The following PLPPR1 variants were observed in gnomAD, a reference collection of about 807,000 sequenced individuals.
PLPPR1 encodes the protein phospholipid phosphatase-related protein type 1.
In PLPPR1, 10 loss-of-function variants were observed where a neutral mutation model predicts 33.1. The observed-to-expected ratio is 0.30, with a 90% CI of 0.19 to 0.51. The LOEUF (loss-of-function observed/expected upper bound fraction) is 0.51, where lower values mean the gene tolerates loss of function less well. PLPPR1 is among the 20% of genes least tolerant of loss of function. PLPPR1 has a pLI of 0.97. For synonymous variants in PLPPR1, 151 were observed against 151.0 expected, an observed-to-expected ratio of 1.00 and a Z score of 0.00; for missense variants, 304 against 408.1, an observed-to-expected ratio of 0.74 and a Z score of 2.20.
chr9:101,289,977 G>A (rs1828463956), intron 4 of PLPPR1, among the ~76,000 whole-genome samples: 1 of 152,166 alleles, frequency 6.6e-6, no homozygotes, highest in Non-Finnish European at 1.5e-5. Flanking sequence ...GTGCATAAAT[G>A]AGGTAATTTC....
At chr9:101,273,026 A>T (rs1828127498) in intron 3 of PLPPR1, among the ~76,000 whole-genome samples, 4 of 152,362 alleles carry the variant, frequency 2.6e-5, no homozygotes, top group Admixed American at 2.0e-4. Context: ...AGACTGGTTT[A>T]ATACATTATG....
rs576840165 is a variant in PLPPR1 at position 101,182,830 on chromosome 9, G to C, written c.-45-2620G>C. On this transcript the variant is annotated intron_variant, in intron 1 of 7. Transcript: ENST00000374874. ...TAAGACGAACAACCCAACCACAAAA[G>C]GTATTTGAATAGACACTTCACAAAA... Among the ~76,000 whole-genome samples, 17 of 151,624 alleles carry C rather than the reference G, an allele frequency of 1.1e-4. 1 individual carries two copies. The South Asian group carries it at 3.5e-3, about 32-fold the overall frequency.
chr9:101,275,500 G>T (rs1319278187), intron 3 of PLPPR1, among the ~76,000 whole-genome samples: 2 of 152,170 alleles, frequency 1.3e-5, no homozygotes, highest in African/African-American at 2.4e-5. Flanking sequence ...TAGAGCATGG[G>T]GGATTTACTG....
intron 1 of PLPPR1, among the ~76,000 whole-genome samples, chr9:101,088,695 AT>A (rs768436184): frequency 6.6e-6 from 1 of 152,144 alleles, no homozygotes; most frequent in South Asian, 2.1e-4. Context: ...GCAAAAAGAC[AT>A]TTTTTTATTG....
At chr9:101,250,694 T>C (rs1031980244) in intron 2 of PLPPR1, among the ~76,000 whole-genome samples, 1 of 152,070 alleles carries the variant, frequency 6.6e-6, no homozygotes, top group African/African-American at 2.4e-5. Context: ...CAGTTATACA[T>C]AGTTGTTAAA....
At chr9:101,075,844 T>C (rs1469849625) in intron 1 of PLPPR1, among the ~76,000 whole-genome samples, 1 of 149,622 alleles carries the variant, frequency 6.7e-6, no homozygotes, top group Non-Finnish European at 1.5e-5. Flanking sequence ...TGGATGAGGA[T>C]TTCCTTTAGC....
At chr9:101,106,657 G>A (rs1473365980) in intron 1 of PLPPR1, among the ~76,000 whole-genome samples, 2 of 52,142 alleles carry the variant, frequency 3.8e-5, no homozygotes, top group Non-Finnish European at 6.5e-5. Context: ...GAGTATCTTT[G>A]TGGCGTTCTC....
rs527691703 is a variant in PLPPR1, at chr9:101,179,077, G to A, written c.-45-6373G>A. 5.2e-4 allele frequency among the ~76,000 whole-genome samples: 79 copies of A among 152,258 alleles called. No individual in the cohort carries two copies. In the South Asian group the frequency reaches 0.011, roughly 21 times the overall value. On this transcript the variant is annotated intron_variant, in intron 1 of 7. Coordinates refer to ENST00000374874, the MANE Select transcript of PLPPR1 (RefSeq NM_207299.2). The stretch of plus-strand genomic sequence containing the variant: ...AGTGACAGTATTGGCTGGGATAATA[G>A]ACCTGGACTGTCAAGATGAAATCAG...
intron 1 of PLPPR1, among the ~76,000 whole-genome samples, chr9:101,113,614 A>C (rs150164200): frequency 0.011 from 1,433 of 136,364 alleles, 8 homozygotes; most frequent in Non-Finnish European, 0.017. Flanking sequence ...GTAAGTGTTA[A>C]GAAAGAACAG....
At chr9:101,248,388 C>G (rs1827652097) in intron 2 of PLPPR1, among the ~76,000 whole-genome samples, 3 of 152,072 alleles carry the variant, frequency 2.0e-5, no homozygotes. Context: ...GAATAAATTT[C>G]AACTGCAAAT....
chr9:101,266,408 G>A (rs56204982), intron 2 of PLPPR1, among the ~76,000 whole-genome samples: 40,158 of 126,602 alleles, frequency 0.32, 6,784 homozygotes, highest in African/African-American at 0.42. Context: ...AAAAAAAAAA[G>A]AAAGAAAGAA....
chr9:101,089,280 A>G (rs1265024452), intron 1 of PLPPR1, among the ~76,000 whole-genome samples: 3 of 148,652 alleles, frequency 2.0e-5, no homozygotes, highest in Non-Finnish European at 4.5e-5. Context: ...TAAGTAATAA[A>G]GCTAGAATAT....
rs115364831 is a variant in PLPPR1 at position 101,304,728 on chromosome 9, C to T, written c.386-4483C>T. On this transcript the variant is annotated intron_variant, in intron 4 of 7. Transcript: ENST00000374874. The stretch of plus-strand genomic sequence containing the variant: ...TTCAGAGCTACAGCTTGAAAGCAGA[C>T]GTACACAGCCCCAAGTCCAGTCCCT... Among the ~76,000 whole-genome samples the T allele has an allele frequency of 9.7e-3, 1,480 of 152,284 alleles. 18 individuals carry two copies. The highest frequency in any genetic ancestry group is 0.032 in the African/African-American group (1,314 of 41,574).
chr9:101,284,919 T>C (rs1828365704), intron 3 of PLPPR1, among the ~76,000 whole-genome samples: 1 of 152,188 alleles, frequency 6.6e-6, no homozygotes, highest in African/African-American at 2.4e-5. Context: ...AAAATCAAAA[T>C]GGCATATGAA....
At position 101,199,519 on chromosome 9, in the gene PLPPR1, G is replaced by T. The variant is rs189056787; in HGVS notation, c.63+13962G>T. Among the ~76,000 whole-genome samples, 265 of 152,238 alleles carry T rather than the reference G, an allele frequency of 1.7e-3. 3 individuals carry two copies. The South Asian group carries it at 0.038, about 22-fold the overall frequency. ...AAAATGCGGTCACTCTAGCATAAGG[G>T]TATCTGATACTTTTTCTCCTGATGC... On this transcript the variant is annotated intron_variant, in intron 2 of 7. Transcript: ENST00000374874.
chr9:101,038,727 T>A (rs1406864385), intron 1 of PLPPR1, among the ~76,000 whole-genome samples: 1 of 152,070 alleles, frequency 6.6e-6, no homozygotes, highest in Non-Finnish European at 1.5e-5. Flanking sequence ...GAGCAACGGA[T>A]TTCTGGCGCA....
chr9:101,284,172 G>C (rs1275786147), intron 3 of PLPPR1, among the ~76,000 whole-genome samples: 3 of 152,046 alleles, frequency 2.0e-5, no homozygotes, highest in African/African-American at 7.2e-5. Context: ...GTATATCAAA[G>C]AGATATCTGA....
At chr9:101,237,047 G>C in intron 2 of PLPPR1, among the ~76,000 whole-genome samples, 1 of 151,686 alleles carries the variant, frequency 6.6e-6, no homozygotes, top group East Asian at 1.9e-4. Flanking sequence ...ACATACAAGT[G>C]TATCTTTAAA....
chr9:101,154,614 A>G (rs1370872919), intron 1 of PLPPR1, among the ~76,000 whole-genome samples: 1 of 152,116 alleles, frequency 6.6e-6, no homozygotes, highest in Non-Finnish European at 1.5e-5. Flanking sequence ...ATTACTGGGT[A>G]TATACTCAAA....
Sources: gnomAD v4.1 joint callset for allele counts (sites outside exome capture counted in the v4.1 genomes callset) on GRCh38, gnomAD v4.1.1 for gene constraint, MANE v1.5 for transcripts, NCBI Gene and HGNC (gene_info 2026-07-23, HGNC 2026-07-21) for gene names.